The following RGS22 variants were observed in gnomAD, a reference collection of about 807,000 sequenced individuals.
RGS22 encodes the protein regulator of G protein signaling 22.
Under a neutral mutation model 172.9 loss-of-function variants are expected in RGS22, and 148 were observed. The ratio of observed to expected loss-of-function variants is 0.86; its 90% CI spans 0.75 to 0.98. RGS22 has a LOEUF of 0.98. Among genes scored for constraint, RGS22 ranks in the 50% least tolerant of loss-of-function variants. RGS22 has a pLI of 0.00. For missense variants in RGS22, 1,347 were observed against 1,440.8 expected, an observed-to-expected ratio of 0.93 and a Z score of 1.05; for synonymous variants, 458 against 480.2, an observed-to-expected ratio of 0.95 and a Z score of 0.60.
At chr8:99,994,890 A>G (rs192553185) in intron 20 of RGS22, among the ~76,000 whole-genome samples, 181 of 152,318 alleles carry the variant, frequency 1.2e-3, no homozygotes, top group African/African-American at 3.9e-3. Flanking sequence ...AGTAACCAAA[A>G]CAGCATGGTA....
intron 6 of RGS22, among the ~76,000 whole-genome samples, chr8:100,068,806 T>C (rs1334440114): frequency 2.0e-5 from 3 of 151,560 alleles, no homozygotes; most frequent in Non-Finnish European, 2.9e-5. Context: ...TGGTGGCATA[T>C]GCCTGTAGTC....
intron 14 of RGS22, chr8:100,038,635 A>C (rs1819760553): frequency 4.6e-6 from 1 of 217,082 alleles, no homozygotes. Context: ...ATCACTCAAA[A>C]CCAAACCAAA....
rs1815389656 is a variant in RGS22, at chr8:100,003,977, T to C, written c.2576A>G (p.Asn859Ser). 1 of 1,611,952 alleles carries C rather than the reference T, an allele frequency of 6.2e-7. No homozygotes were observed. The highest frequency in any genetic ancestry group is 2.2e-5 in the East Asian group (1 of 44,678). Residue 859 changes from asparagine (N) to serine (S), a missense_variant, in exon 17 of 28, where the codon AAC becomes AGC. Coordinates refer to ENST00000360863, the MANE Select transcript of RGS22 (RefSeq NM_015668.5). ...ACGGAAATGTTCAAACTCCAGTTTGTTGTTAAGCAGATCACTAAACTTAAA... is the reference window on the plus strand; with the variant it reads ...ACGGAAATGTTCAAACTCCAGTTTGCTGTTAAGCAGATCACTAAACTTAAA... ...KHFKFSDLLNNKLEFEHFRQF... is the reference protein window; with the variant it reads ...KHFKFSDLLNSKLEFEHFRQF...
At chr8:100,088,393 C>T (rs1439881536) in intron 3 of RGS22, among the ~76,000 whole-genome samples, 1 of 152,022 alleles carries the variant, frequency 6.6e-6, no homozygotes, top group Non-Finnish European at 1.5e-5. Flanking sequence ...CTCATCTACT[C>T]AATCCCACAA....
intron 9 of RGS22, among the ~76,000 whole-genome samples, chr8:100,059,643 A>C (rs1417462922): frequency 6.6e-6 from 1 of 152,172 alleles, no homozygotes; most frequent in Non-Finnish European, 1.5e-5. Context: ...TATATAAAGG[A>C]AATATTATTA....
At chr8:100,089,822 C>A (rs1433671615) in intron 3 of RGS22, among the ~76,000 whole-genome samples, 1 of 152,096 alleles carries the variant, frequency 6.6e-6, no homozygotes, top group Admixed American at 6.6e-5. Context: ...TTATCCAAAT[C>A]ATTAGTTTAC....
At chr8:99,979,588 T>C (rs2131192047) in intron 22 of RGS22, among the ~76,000 whole-genome samples, 1 of 152,242 alleles carries the variant, frequency 6.6e-6, no homozygotes, top group African/African-American at 2.4e-5. Flanking sequence ...TTTCAGGCTA[T>C]TGGGAGTGGG....
chr8:99,989,429 A>G (rs1429428819), intron 20 of RGS22, among the ~76,000 whole-genome samples: 1 of 152,156 alleles, frequency 6.6e-6, no homozygotes, highest in East Asian at 1.9e-4. Context: ...TTTTGCTTTT[A>G]ATATTTTTAT....
chr8:99,981,299 T>C (rs1396766028), intron 22 of RGS22, among the ~76,000 whole-genome samples: 1 of 152,200 alleles, frequency 6.6e-6, no homozygotes, highest in Admixed American at 6.5e-5. Flanking sequence ...GTATACTTTA[T>C]GTTGGTAGAG....
intron 9 of RGS22, among the ~76,000 whole-genome samples, chr8:100,055,958 T>C (rs1012659695): frequency 3.3e-5 from 5 of 152,172 alleles, no homozygotes; most frequent in Non-Finnish European, 7.4e-5. Flanking sequence ...ACTTTGGAAC[T>C]GGGTAACAGG....
At position 100,073,387 on chromosome 8, in the gene RGS22, T is replaced by C. The variant is rs564862107; in HGVS notation, c.340-1157A>G. Among the ~76,000 whole-genome samples the C allele has an allele frequency of 3.0e-4, 45 of 151,296 alleles. 1 individual carries two copies. The South Asian group carries it at 9.2e-3, about 31-fold the overall frequency. On this transcript the variant is annotated intron_variant, in intron 4 of 27. Coordinates refer to ENST00000360863, the MANE Select transcript of RGS22 (RefSeq NM_015668.5). ...GCAGAAGTCTTTAGGCATTCAGGATTGGAACATAAAATAGTTTCCTTCTAA... is the reference window on the plus strand; with the variant it reads ...GCAGAAGTCTTTAGGCATTCAGGATCGGAACATAAAATAGTTTCCTTCTAA...
chr8:100,055,025 C>T lies in RGS22; in HGVS notation c.1515-2049G>A, dbSNP rs181802938. The stretch of plus-strand genomic sequence containing the variant: ...AGGTAGACTTCTAAGGTGCTTGACT[C>T]CAGTCCCTGACTCCTGGATGGCACC... On this transcript the variant is annotated intron_variant, in intron 9 of 27. Coordinates refer to ENST00000360863, the MANE Select transcript of RGS22 (RefSeq NM_015668.5). 2.0e-5 allele frequency among the ~76,000 whole-genome samples: 3 copies of T among 152,312 alleles called. No individual in the cohort carries two copies. In the East Asian group the frequency reaches 5.8e-4, roughly 29 times the overall value.
rs536359437 is a variant in RGS22, at chr8:100,010,813, T to TC, written c.2167-2245_2167-2244insG. Among the ~76,000 whole-genome samples, 267 of 152,012 alleles carry TC rather than the reference T, an allele frequency of 1.8e-3. 3 individuals are homozygous for TC. The highest frequency in any genetic ancestry group is 3.4e-3 in the Middle Eastern group (1 of 294). ...TCTTCAGAGAGAAGATAATTCTTTT[T>TC]TTTTTTTTTTTAAAGAGATGGGGTC... On this transcript the variant is annotated intron_variant, in intron 14 of 27. Coordinates refer to ENST00000360863, the MANE Select transcript of RGS22 (RefSeq NM_015668.5).
chr8:100,078,823 C>T (rs2514700), intron 4 of RGS22, among the ~76,000 whole-genome samples: 58,497 of 151,822 alleles, frequency 0.39, 11,795 homozygotes, highest in East Asian at 0.55. Flanking sequence ...GATAGTGTTT[C>T]GCCATGTTGC....
chr8:99,987,243 T>C (rs958302108), intron 21 of RGS22, among the ~76,000 whole-genome samples: 1 of 152,156 alleles, frequency 6.6e-6, no homozygotes, highest in African/African-American at 2.4e-5. Flanking sequence ...ACCTGTGTTA[T>C]CATTCCAGGG....
At chr8:100,066,418 T>G in intron 6 of RGS22, 122 bp from the exon 7 acceptor site, 1 of 710,234 alleles carries the variant, frequency 1.4e-6, no homozygotes, top group South Asian at 3.3e-5. Flanking sequence ...GTGAAAATTA[T>G]CTCATGAAGG....
At position 99,962,948 on chromosome 8, in the gene RGS22, C is replaced by T; in HGVS notation, c.3646G>A (p.Ala1216Thr). Reference sequence around the variant, plus strand: ...AGAAGAATTCTCTCCTGTTCTAAGGCTTCTATATACTTTGAGTAGCACCAG... The same window carrying T: ...AGAAGAATTCTCTCCTGTTCTAAGGTTTCTATATACTTTGAGTAGCACCAG... ...PTWCYSKYIE[A>T]LEQERILLKI... Residue 1216 changes from alanine to threonine, a missense_variant, in exon 25 of 28, where the codon GCC (alanine) becomes ACC (threonine). Transcript: ENST00000360863. The T allele has an allele frequency of 6.3e-7, 1 of 1,590,190 alleles. No individual in the cohort carries two copies. The highest frequency in any genetic ancestry group is 8.5e-7 in the Non-Finnish European group (1 of 1,174,378).
intron 14 of RGS22, among the ~76,000 whole-genome samples, chr8:100,028,927 A>G (rs1818471203): frequency 6.6e-6 from 1 of 152,214 alleles, no homozygotes; most frequent in Non-Finnish European, 1.5e-5. Context: ...ACGTGATTAC[A>G]TGTATGTGGT....
At chr8:99,985,516 G>A (rs927507102) in intron 21 of RGS22, among the ~76,000 whole-genome samples, 1 of 152,140 alleles carries the variant, frequency 6.6e-6, no homozygotes, top group African/African-American at 2.4e-5. Context: ...ACATGCATCA[G>A]AATCAACATT....
Sources: gnomAD v4.1 joint callset for allele counts (sites outside exome capture counted in the v4.1 genomes callset) on GRCh38, gnomAD v4.1.1 for gene constraint, MANE v1.5 for transcripts, NCBI Gene and HGNC (gene_info 2026-07-23, HGNC 2026-07-21) for gene names.